Variants in AKR1B15 observed in about 807,000 individuals in gnomAD.
The protein encoded by AKR1B15 is estradiol 17-beta-dehydrogenase AKR1B15.
A neutral mutation model predicts 38.5 loss-of-function variants in AKR1B15; 49 were observed. That is an observed-to-expected ratio of 1.27 (90% confidence interval 1.01 to 1.62). The LOEUF (loss-of-function observed/expected upper bound fraction) is 1.62, where lower values mean the gene tolerates loss of function less well. AKR1B15 is among the 40% of genes most tolerant of loss of function. AKR1B15 has a pLI of 0.00. For synonymous variants in AKR1B15, 137 were observed against 135.5 expected (o/e 1.01, Z -0.08); for missense variants, 411 against 381.6 (o/e 1.08, Z -0.64).
chr7:134,568,336 C>T lies in AKR1B15; in HGVS notation c.318+11C>T, dbSNP rs372007991. 2.5e-5 allele frequency: 40 copies of T among 1,612,922 alleles called. No homozygotes were observed. Among genetic ancestry groups the T allele is most frequent in the South Asian group, 5.5e-5 (5 of 90,908 alleles). On this transcript the variant is annotated intron_variant, in intron 4 of 11. Coordinates refer to ENST00000457545, the MANE Select transcript of AKR1B15 (RefSeq NM_001080538.3). ...TTCATCGTCAGCAAGGTGCACATGG[C>T]GCATTTGGTGGGAGGCCTTCACTTC...
intron 6 of AKR1B15, chr7:134,573,578 T>C (rs974849466): frequency 1.0e-6 from 1 of 981,728 alleles, no homozygotes; most frequent in African/African-American, 1.8e-5. Flanking sequence ...ACCAGTTCAG[T>C]AGAAACCTCA....
chr7:134,550,336 C>T (rs545638797), intron 1 of AKR1B15, among the ~76,000 whole-genome samples: 3 of 152,288 alleles, frequency 2.0e-5, no homozygotes, highest in East Asian at 3.9e-4. Flanking sequence ...TCCTGTGTTG[C>T]AGCAAGTCCA....
In AKR1B15 at chr7:134,575,891, C is replaced by T. The variant is rs372073545; in HGVS notation, c.707C>T (p.Thr236Met). 506 of 1,613,574 alleles carry T rather than the reference C, an allele frequency of 3.1e-4. No homozygotes were observed. In the African/African-American group the frequency reaches 4.9e-3, roughly 16 times the overall value. Residue 236 changes from threonine (T) to methionine (M), a missense_variant, in exon 8 of 12, where the codon ACG becomes ATG. Around this residue, in one of 3 missense-constraint regions of AKR1B15, gnomAD observed 24 missense variants for 48.9 expected, o/e 0.49. Transcript: ENST00000457545. ...QYCHSKGITV[T>M]AYSPLGSPDR... is the part of the protein sequence containing the mutation. ...TGCCACTCCAAGGGCATCACCGTTA[C>T]GGCCTACAGCCCCCTGGGCTCTCCG...
chr7:134,560,586 G>C (rs1222316766), intron 2 of AKR1B15, among the ~76,000 whole-genome samples: 1 of 152,298 alleles, frequency 6.6e-6, no homozygotes, highest in East Asian at 1.9e-4. Context: ...TCATAGCTAA[G>C]TGGTTCTAGA....
At chr7:134,573,655 A>C in intron 6 of AKR1B15, 2 of 541,044 alleles carry the variant, frequency 3.7e-6, no homozygotes, top group Non-Finnish European at 4.7e-6. Context: ...CGGGAAAACT[A>C]ACCTGACCTA....
chr7:134,553,679 G>A (rs951708888), intron 1 of AKR1B15, among the ~76,000 whole-genome samples: 8 of 152,208 alleles, frequency 5.3e-5, no homozygotes, highest in South Asian at 4.1e-4. Context: ...TAGATCAGCC[G>A]CGTTTAACTT....
At chr7:134,556,528 A>G (rs988139929) in intron 1 of AKR1B15, among the ~76,000 whole-genome samples, 3 of 152,128 alleles carry the variant, frequency 2.0e-5, no homozygotes, top group Non-Finnish European at 4.4e-5. Flanking sequence ...ACTTGTAGTG[A>G]GTCTCTCCTT....
intron 2 of AKR1B15, among the ~76,000 whole-genome samples, chr7:134,562,035 G>A (rs952446819): frequency 2.6e-5 from 4 of 152,258 alleles, no homozygotes; most frequent in South Asian, 4.1e-4. Context: ...CCAGGCTGGA[G>A]TGCAGTGGCA....
chr7:134,571,279 G>A (rs1392489953), intron 5 of AKR1B15, among the ~76,000 whole-genome samples: 2 of 152,182 alleles, frequency 1.3e-5, no homozygotes, highest in Non-Finnish European at 2.9e-5. Context: ...TTTATCCAGT[G>A]ATACTGAAAT....
intron 10 of AKR1B15, 67 bp downstream of exon 10, chr7:134,577,113 A>C: frequency 6.8e-7 from 1 of 1,471,274 alleles, no homozygotes; most frequent in Non-Finnish European, 9.5e-7. Context: ...CCTTCTCACT[A>C]GGCTTCTCAC....
chr7:134,575,649 A>G (rs1467317529), intron 7 of AKR1B15, 107 bp downstream of exon 7: 1 of 1,579,268 alleles, frequency 6.3e-7, no homozygotes, highest in Non-Finnish European at 8.6e-7. Context: ...GGGGTCAGTG[A>G]TCAGGACACT....
At chr7:134,563,605 G>A (rs941862527) in intron 2 of AKR1B15, among the ~76,000 whole-genome samples, 21 of 152,196 alleles carry the variant, frequency 1.4e-4, no homozygotes. Flanking sequence ...CCTGGGTTGA[G>A]TGGAGACTTG....
At chr7:134,565,488 C>T (rs777675642) in intron 3 of AKR1B15, 20 of 1,613,558 alleles carry the variant, frequency 1.2e-5, no homozygotes, top group African/African-American at 6.7e-5. Flanking sequence ...ACCATGGCCA[C>T]GTTTGTGGAG....
chr7:134,564,122 C>T (rs1004939628), intron 2 of AKR1B15, among the ~76,000 whole-genome samples: 5 of 152,176 alleles, frequency 3.3e-5, no homozygotes, highest in African/African-American at 9.7e-5. Flanking sequence ...CAGAGCCATA[C>T]AGCTAATACC....
chr7:134,565,255 T>G, intron 3 of AKR1B15: 1 of 622,730 alleles, frequency 1.6e-6, no homozygotes, highest in Non-Finnish European at 2.7e-6. Context: ...GCTTCATTCT[T>G]GAAGTCAGCG....
intron 2 of AKR1B15, among the ~76,000 whole-genome samples, chr7:134,559,382 C>T (rs1794313309): frequency 6.6e-6 from 1 of 152,138 alleles, no homozygotes; most frequent in African/African-American, 2.4e-5. Context: ...CTCCCTGCTT[C>T]AAATAAATTA....
rs756819539 is a variant in AKR1B15 at position 134,552,807 on chromosome 7, G to A, written c.-147+3558G>A. 2.8e-4 allele frequency among the ~76,000 whole-genome samples: 42 copies of A among 152,136 alleles called. 1 individual carries two copies. The highest frequency in any genetic ancestry group is 1.5e-3 in the East Asian group (8 of 5,176). On this transcript the variant is annotated intron_variant, in intron 1 of 11. Coordinates refer to ENST00000457545, the MANE Select transcript of AKR1B15 (RefSeq NM_001080538.3). ...TTTTGAACAGACATATCCTGGCTCG[G>A]TAGACACCACCCAATTAACCTGGAC... is the stretch of plus-strand genomic sequence containing the variant.
chr7:134,569,099 G>C (rs554149547), intron 4 of AKR1B15, among the ~76,000 whole-genome samples: 5 of 152,320 alleles, frequency 3.3e-5, no homozygotes, highest in African/African-American at 1.2e-4. Flanking sequence ...TGCTCTCAGA[G>C]AGCCCACAGC....
chr7:134,576,937 A>G, intron 9 of AKR1B15, 26 bp from the exon 10 acceptor site: 1 of 1,599,048 alleles, frequency 6.3e-7, no homozygotes, highest in South Asian at 1.1e-5. Flanking sequence ...AGCTGAGTGG[A>G]AACATGATGT....
Sources: gnomAD v4.1 joint callset for allele counts (sites outside exome capture counted in the v4.1 genomes callset) on GRCh38, gnomAD v4.1.1 for gene constraint, gnomAD v4.1.1 regional missense constraint, MANE v1.5 for transcripts, NCBI Gene and HGNC (gene_info 2026-07-23, HGNC 2026-07-21) for gene names.